The following USP15 variants were observed in gnomAD, a reference collection of about 807,000 sequenced individuals.
The protein encoded by USP15 is ubiquitin carboxyl-terminal hydrolase 15.
Under a neutral mutation model 127.1 loss-of-function variants are expected in USP15, and 18 were observed. The observed-to-expected ratio is 0.14, with a 90% confidence interval of 0.10 to 0.21. The LOEUF (loss-of-function observed/expected upper bound fraction) is 0.21. Among genes scored for constraint, USP15 ranks in the 10% least tolerant of loss-of-function variants. The pLI is 1.00. For synonymous variants in USP15, 364 were observed against 393.7 expected (o/e 0.92, Z 0.89); for missense variants, 805 against 1,159.9 (o/e 0.69, Z 4.44).
At chr12:62,370,689 GTACCCCCTT>G (rs2066635081) in intron 8 of USP15, among the ~76,000 whole-genome samples, 1 of 152,008 alleles carries the variant, frequency 6.6e-6, no homozygotes, top group Non-Finnish European at 1.5e-5. Flanking sequence ...TAGGTTCCTT[GTACCCCCTT>G]TACCTTTGAG....
chr12:62,367,680 CT>C (rs1436974717), intron 8 of USP15, among the ~76,000 whole-genome samples: 2 of 151,992 alleles, frequency 1.3e-5, no homozygotes, highest in Admixed American at 1.3e-4. Context: ...TTTATTGCGT[CT>C]TTTTGATTCT....
intron 3 of USP15, among the ~76,000 whole-genome samples, chr12:62,304,337 A>G (rs1398894654): frequency 6.6e-6 from 1 of 152,224 alleles, no homozygotes; most frequent in African/African-American, 2.4e-5. Context: ...TCAACCTGTA[A>G]AATAGTTTGC....
intron 1 of USP15, chr12:62,277,705 C>T (rs1319883721): frequency 6.8e-5 from 3 of 44,388 alleles, no homozygotes; most frequent in Admixed American, 1.7e-4. Flanking sequence ...AGATGATAAG[C>T]GAAAAAAAAA....
intron 1 of USP15, among the ~76,000 whole-genome samples, chr12:62,271,541 A>G (rs778189222): frequency 3.3e-5 from 5 of 151,814 alleles, no homozygotes; most frequent in African/African-American, 4.8e-5. Flanking sequence ...GGAAGTCCCA[A>G]TTTTTCTTAG....
intron 6 of USP15, among the ~76,000 whole-genome samples, chr12:62,333,176 CCAGTTCATACATTT>C (rs554548128): frequency 9.5e-4 from 145 of 152,276 alleles, no homozygotes; most frequent in African/African-American, 3.3e-3. Context: ...TGTCATTCAG[CCAGTTCATACATTT>C]CAGTAACACC....
intron 9 of USP15, among the ~76,000 whole-genome samples, chr12:62,382,246 T>A (rs904025782): frequency 3.4e-4 from 51 of 151,968 alleles, no homozygotes; most frequent in Non-Finnish European, 5.5e-4. Flanking sequence ...CAAATAAGAA[T>A]TGAGCTGAAA....
intron 4 of USP15, among the ~76,000 whole-genome samples, chr12:62,318,464 C>T (rs966076539): frequency 6.6e-6 from 1 of 152,138 alleles, no homozygotes; most frequent in Non-Finnish European, 1.5e-5. Context: ...ACTTGGCTTC[C>T]TGGGCACAGT....
chr12:62,264,529 T>C (rs2063149873), intron 1 of USP15, among the ~76,000 whole-genome samples: 1 of 152,210 alleles, frequency 6.6e-6, no homozygotes, highest in Non-Finnish European at 1.5e-5. Context: ...CTTTACAGAG[T>C]AAGTAATTTG....
chr12:62,322,641 C>T (rs1440713027), intron 5 of USP15, among the ~76,000 whole-genome samples: 2 of 152,002 alleles, frequency 1.3e-5, no homozygotes. Context: ...TTGTTATTAG[C>T]AGATAACCAT....
intron 3 of USP15, chr12:62,313,894 T>C (rs1267360704): frequency 4.6e-6 from 1 of 215,188 alleles, no homozygotes; most frequent in Non-Finnish European, 8.0e-6. Flanking sequence ...TCTTTTGAAT[T>C]GATGTAAGCT....
intron 5 of USP15, 118 bp from the exon 6 acceptor site, chr12:62,325,754 G>A: frequency 1.2e-6 from 1 of 816,870 alleles, no homozygotes; most frequent in South Asian, 2.4e-5. Context: ...CTTGTCTACT[G>A]TTTTCCTTTA....
At chr12:62,280,437 G>A (rs181280939) in intron 1 of USP15, among the ~76,000 whole-genome samples, 96 of 152,304 alleles carry the variant, frequency 6.3e-4, no homozygotes, top group African/African-American at 2.2e-3. Flanking sequence ...CTGTTCTGGA[G>A]GCTGGTAAGT....
intron 6 of USP15, among the ~76,000 whole-genome samples, chr12:62,341,284 A>G (rs1329290973): frequency 5.9e-5 from 9 of 151,280 alleles, no homozygotes; most frequent in Admixed American, 5.9e-4. Flanking sequence ...TGCATGTGAG[A>G]TGGGTGTCCT....
intron 6 of USP15, among the ~76,000 whole-genome samples, chr12:62,331,509 G>T (rs73137527): frequency 6.6e-6 from 1 of 152,306 alleles, no homozygotes; most frequent in Non-Finnish European, 1.5e-5. Flanking sequence ...TGCATTTTAA[G>T]TACTTCATAT....
chr12:62,308,161 A>C (rs180964227), intron 3 of USP15, among the ~76,000 whole-genome samples: 1 of 152,256 alleles, frequency 6.6e-6, no homozygotes. Flanking sequence ...TAGAAAATTT[A>C]TAATTTGTCA....
At chr12:62,264,660 G>A (rs574828053) in intron 1 of USP15, among the ~76,000 whole-genome samples, 10 of 152,152 alleles carry the variant, frequency 6.6e-5, no homozygotes, top group Admixed American at 5.9e-4. Context: ...TGTCCATTCC[G>A]ACTTTTACTT....
chr12:62,364,011 T>C lies in USP15; in HGVS notation c.915+8536T>C, dbSNP rs557176618. ...TCTGTGAAACATCCAAGCAGATAGATCATAGACAGTTGGATATTCTAGTAT... is the reference window on the plus strand; with the variant it reads ...TCTGTGAAACATCCAAGCAGATAGACCATAGACAGTTGGATATTCTAGTAT... On this transcript the variant is annotated intron_variant, in intron 8 of 21. Coordinates refer to ENST00000280377, the MANE Select transcript of USP15 (RefSeq NM_001252078.2). Among the ~76,000 whole-genome samples, 26 of 152,170 alleles carry C rather than the reference T, an allele frequency of 1.7e-4. No individual in the cohort carries two copies. The South Asian group carries it at 5.4e-3, about 32-fold the overall frequency.
intron 20 of USP15, among the ~76,000 whole-genome samples, 197 bp from the exon 21 acceptor site, chr12:62,400,990 A>G (rs1484831904): frequency 6.6e-6 from 1 of 152,094 alleles, no homozygotes; most frequent in Non-Finnish European, 1.5e-5. Context: ...GAATGTTTCA[A>G]CTTACATGAA....
chr12:62,402,228 A>C (rs2067713492), intron 21 of USP15, among the ~76,000 whole-genome samples: 1 of 151,918 alleles, frequency 6.6e-6, no homozygotes. Context: ...TTTAGTCAAC[A>C]AATTGAATAT....
Sources: gnomAD v4.1 joint callset for allele counts (sites outside exome capture counted in the v4.1 genomes callset) on GRCh38, gnomAD v4.1.1 for gene constraint, MANE v1.5 for transcripts, NCBI Gene and HGNC (gene_info 2026-07-23, HGNC 2026-07-21) for gene names.